Variants in ANKS1B observed in about 807,000 individuals in gnomAD.
The protein encoded by ANKS1B is ankyrin repeat and sterile alpha motif domain-containing protein 1B.
In ANKS1B, 36 loss-of-function variants were observed where a neutral mutation model predicts 148.3. The ratio of observed to expected loss-of-function variants is 0.24; its 90% CI spans 0.19 to 0.32. The LOEUF (loss-of-function observed/expected upper bound fraction) is 0.32, where lower values mean the gene tolerates loss of function less well. Ranked by LOEUF, ANKS1B falls within the 10% of genes least tolerant of loss-of-function variation. ANKS1B has a pLI of 1.00. For synonymous variants in ANKS1B, 542 were observed against 560.8 expected (o/e 0.97, Z 0.47); for missense variants, 1,157 against 1,542.6 (o/e 0.75, Z 4.19).
At chr12:98,895,558 G>T (rs2099763188) in intron 17 of ANKS1B, among the ~76,000 whole-genome samples, 2 of 152,218 alleles carry the variant, frequency 1.3e-5, no homozygotes, top group Non-Finnish European at 2.9e-5. Flanking sequence ...TGTTTACCTC[G>T]CAGGAGACGC....
At chr12:99,078,307 A>C (rs2048500980) in intron 16 of ANKS1B, among the ~76,000 whole-genome samples, 1 of 152,212 alleles carries the variant, frequency 6.6e-6, no homozygotes, top group Non-Finnish European at 1.5e-5. Flanking sequence ...CCTAATATAT[A>C]TGGTAAAATA....
intron 8 of ANKS1B, among the ~76,000 whole-genome samples, chr12:99,749,673 C>T (rs560026536): frequency 5.3e-5 from 8 of 151,990 alleles, no homozygotes; most frequent in Non-Finnish European, 1.2e-4. Context: ...GTTTTATCAC[C>T]GGACCTAAAG....
At chr12:99,648,476 G>A (rs1187198903) in intron 9 of ANKS1B, 2 of 1,614,116 alleles carry the variant, frequency 1.2e-6, no homozygotes, top group East Asian at 2.2e-5. Context: ...GCCAGGTGTG[G>A]TCCTGCCACC....
chr12:99,387,470 G>C (rs2093910961), intron 12 of ANKS1B, among the ~76,000 whole-genome samples: 1 of 152,150 alleles, frequency 6.6e-6, no homozygotes, highest in Non-Finnish European at 1.5e-5. Context: ...CAAAAAATTA[G>C]CCAAGTGTGG....
At chr12:99,011,612 T>C (rs917833579) in intron 17 of ANKS1B, among the ~76,000 whole-genome samples, 2 of 152,208 alleles carry the variant, frequency 1.3e-5, no homozygotes, top group Non-Finnish European at 2.9e-5. Flanking sequence ...TGCTAGAAAT[T>C]ACAACGTGCT....
chr12:99,642,840 C>T (rs1242022199), intron 9 of ANKS1B, among the ~76,000 whole-genome samples: 1 of 152,066 alleles, frequency 6.6e-6, no homozygotes, highest in African/African-American at 2.4e-5. Flanking sequence ...AGAATCTGTT[C>T]CCTGCCTTTT....
At chr12:98,923,647 A>G (rs1432885736) in intron 17 of ANKS1B, among the ~76,000 whole-genome samples, 1 of 152,198 alleles carries the variant, frequency 6.6e-6, no homozygotes, top group Non-Finnish European at 1.5e-5. Flanking sequence ...ATAACTGATA[A>G]ACCAGCTAGT....
In ANKS1B at chr12:99,290,359, T is replaced by C. The variant is rs1183261902; in HGVS notation, c.1757-43495A>G. On this transcript the variant is annotated intron_variant, in intron 12 of 26. Transcript: ENST00000683438. ...TACCAAATATTTGCAGAAGAACTAA[T>C]ACCAATCCTACTCAAACAATTCTGA... Among the ~76,000 whole-genome samples the C allele has an allele frequency of 2.0e-5, 3 of 150,038 alleles. No individual in the cohort carries two copies. In the South Asian group the frequency reaches 6.3e-4, roughly 31 times the overall value.
At chr12:99,971,178 C>T (rs1038635110) in intron 1 of ANKS1B, among the ~76,000 whole-genome samples, 1 of 152,090 alleles carries the variant, frequency 6.6e-6, no homozygotes, top group Admixed American at 6.6e-5. Context: ...AAAACAAACC[C>T]ATGAAAAATT....
intron 8 of ANKS1B, among the ~76,000 whole-genome samples, chr12:99,709,691 G>T (rs1472980552): frequency 6.6e-6 from 1 of 151,968 alleles, no homozygotes; most frequent in Non-Finnish European, 1.5e-5. Context: ...AAACACAATG[G>T]TTCTTTCAGA....
At chr12:99,390,338 C>T (rs1033302914) in intron 12 of ANKS1B, among the ~76,000 whole-genome samples, 13 of 152,016 alleles carry the variant, frequency 8.6e-5, no homozygotes, top group Admixed American at 1.3e-4. Context: ...AATGCCCTCA[C>T]GGAAGAAAAG....
At chr12:99,949,731 A>G (rs1380951744) in intron 1 of ANKS1B, among the ~76,000 whole-genome samples, 2 of 152,176 alleles carry the variant, frequency 1.3e-5, no homozygotes, top group African/African-American at 4.8e-5. Flanking sequence ...AGAGGTTAGT[A>G]AACTATGGCC....
chr12:98,876,162 T>C (rs763952988), intron 17 of ANKS1B, among the ~76,000 whole-genome samples: 3 of 152,180 alleles, frequency 2.0e-5, no homozygotes, highest in Non-Finnish European at 4.4e-5. Context: ...GAGGCTGATG[T>C]CTAACAGCCT....
At chr12:99,774,328 G>A (rs1042377395) in intron 7 of ANKS1B, among the ~76,000 whole-genome samples, 12 of 151,940 alleles carry the variant, frequency 7.9e-5, no homozygotes, top group Non-Finnish European at 1.6e-4. Flanking sequence ...CTAAGGACTC[G>A]AATAGACATT....
intron 12 of ANKS1B, among the ~76,000 whole-genome samples, chr12:99,311,851 T>C (rs1453912176): frequency 6.6e-6 from 1 of 152,142 alleles, no homozygotes; most frequent in Non-Finnish European, 1.5e-5. Flanking sequence ...TTTATAGTAT[T>C]GAGGAGGCTT....
intron 12 of ANKS1B, among the ~76,000 whole-genome samples, chr12:99,382,023 G>C (rs2093660142): frequency 6.6e-6 from 1 of 152,174 alleles, no homozygotes; most frequent in Non-Finnish European, 1.5e-5. Context: ...GAAATTTTCT[G>C]CATAATTTAC....
chr12:99,371,024 G>GT (rs960186199), intron 12 of ANKS1B, among the ~76,000 whole-genome samples: 21 of 150,388 alleles, frequency 1.4e-4, no homozygotes, highest in East Asian at 5.9e-4. Context: ...TTTCTGTTTT[G>GT]TTTTTTTTTC....
chr12:99,274,700 T>C (rs563349297), intron 12 of ANKS1B, among the ~76,000 whole-genome samples: 9 of 152,378 alleles, frequency 5.9e-5, no homozygotes, highest in African/African-American at 2.2e-4. Flanking sequence ...TAGGATACTA[T>C]AATATGACAT....
intron 17 of ANKS1B, among the ~76,000 whole-genome samples, chr12:98,871,363 A>G (rs1406188344): frequency 6.6e-6 from 1 of 152,216 alleles, no homozygotes; most frequent in Non-Finnish European, 1.5e-5. Context: ...ATTCAATAAC[A>G]TAATTTCTAC....
Sources: gnomAD v4.1 joint callset for allele counts (sites outside exome capture counted in the v4.1 genomes callset) on GRCh38, gnomAD v4.1.1 for gene constraint, MANE v1.5 for transcripts, NCBI Gene and HGNC (gene_info 2026-07-23, HGNC 2026-07-21) for gene names.